The following KCTD16 variants were observed in gnomAD, a reference collection of about 807,000 sequenced individuals.
KCTD16 encodes potassium channel tetramerization domain containing 16.
A neutral mutation model predicts 33.2 loss-of-function variants in KCTD16; 13 were observed. The ratio of observed to expected loss-of-function variants is 0.39; its 90% confidence interval spans 0.25 to 0.62. The LOEUF is 0.62. Among genes scored for constraint, KCTD16 ranks in the 20% least tolerant of loss-of-function variants. KCTD16 has a pLI of 0.50. For synonymous variants in KCTD16, 197 were observed against 195.3 expected (o/e 1.01, Z -0.07); for missense variants, 441 against 525.1 (o/e 0.84, Z 1.57).
chr5:144,443,570 G>C (rs1252633465), intron 3 of KCTD16, among the ~76,000 whole-genome samples: 2 of 151,946 alleles, frequency 1.3e-5, no homozygotes, highest in African/African-American at 2.4e-5. Context: ...GTAGGTGAAA[G>C]CTTGATATTT....
At chr5:144,199,707 ATTTTTTT>A (rs574670606) in intron 2 of KCTD16, among the ~76,000 whole-genome samples, 9 of 67,720 alleles carry the variant, frequency 1.3e-4, no homozygotes, top group South Asian at 5.2e-4. Context: ...GAACAGCTTC[ATTTTTTT>A]TTTTTTTTTT....
intron 3 of KCTD16, among the ~76,000 whole-genome samples, chr5:144,292,984 CT>C (rs927138334): frequency 6.6e-5 from 10 of 152,272 alleles, no homozygotes; most frequent in African/African-American, 2.4e-4. Context: ...ATTTCTTTGC[CT>C]TTTTGTACAG....
At chr5:144,239,631 C>T (rs368380582) in intron 3 of KCTD16, among the ~76,000 whole-genome samples, 3 of 152,122 alleles carry the variant, frequency 2.0e-5, no homozygotes, top group South Asian at 2.1e-4. Flanking sequence ...TATAAACTAC[C>T]GTGACTTTTC....
chr5:144,382,411 A>G (rs1326844453), intron 3 of KCTD16, among the ~76,000 whole-genome samples: 2 of 152,146 alleles, frequency 1.3e-5, no homozygotes, highest in Non-Finnish European at 2.9e-5. Context: ...TTAAAATATA[A>G]GAATAAAAAG....
In KCTD16 at chr5:144,464,434, T is replaced by C. The variant is rs1030337871; in HGVS notation, c.833-9226T>C. Among the ~76,000 whole-genome samples, 3 of 152,266 alleles carry C rather than the reference T, an allele frequency of 2.0e-5. No individual in the cohort carries two copies. In the East Asian group the frequency reaches 5.8e-4, roughly 29 times the overall value. On this transcript the variant is annotated intron_variant, in intron 3 of 3. Transcript: ENST00000512467. ...TGGCAATATCTGGAGACATTTTTAGTAGCCTCAACTGAGGAGGGGAGGTAC... is the reference window on the plus strand; with the variant it reads ...TGGCAATATCTGGAGACATTTTTAGCAGCCTCAACTGAGGAGGGGAGGTAC...
intron 3 of KCTD16, among the ~76,000 whole-genome samples, chr5:144,417,820 G>A (rs955408917): frequency 2.0e-5 from 3 of 152,040 alleles, no homozygotes; most frequent in Non-Finnish European, 4.4e-5. Context: ...ATATGGATAT[G>A]CAGTTATTTT....
intron 3 of KCTD16, among the ~76,000 whole-genome samples, chr5:144,348,895 A>G (rs1358126446): frequency 6.6e-6 from 1 of 152,122 alleles, no homozygotes; most frequent in Non-Finnish European, 1.5e-5. Context: ...ACTATCTCCT[A>G]TTGTAAATGC....
At chr5:144,406,058 A>G (rs969422230) in intron 3 of KCTD16, among the ~76,000 whole-genome samples, 2 of 152,096 alleles carry the variant, frequency 1.3e-5, no homozygotes, top group African/African-American at 4.8e-5. Context: ...GTTGTTAAGT[A>G]CCCTGTAAAG....
At chr5:144,190,356 A>G (rs1321639087) in intron 2 of KCTD16, among the ~76,000 whole-genome samples, 4 of 152,192 alleles carry the variant, frequency 2.6e-5, no homozygotes, top group Non-Finnish European at 4.4e-5. Flanking sequence ...TGGGCTAGCT[A>G]CTTGACTTAT....
intron 2 of KCTD16, among the ~76,000 whole-genome samples, chr5:144,194,787 G>A (rs1020622458): frequency 6.6e-6 from 1 of 152,142 alleles, no homozygotes; most frequent in Non-Finnish European, 1.5e-5. Context: ...AGGACTCTCT[G>A]ATCCCAAAGC....
intron 3 of KCTD16, among the ~76,000 whole-genome samples, chr5:144,249,169 A>C (rs1039128509): frequency 6.6e-6 from 1 of 152,024 alleles, no homozygotes; most frequent in Non-Finnish European, 1.5e-5. Context: ...TAAGGACCTT[A>C]TTTCTGTTTC....
chr5:144,418,984 C>T (rs1753148572), intron 3 of KCTD16, among the ~76,000 whole-genome samples: 1 of 152,152 alleles, frequency 6.6e-6, no homozygotes, highest in African/African-American at 2.4e-5. Flanking sequence ...CCAAGCCACA[C>T]TGTCTTTAGT....
At chr5:144,473,315 C>T (rs1754520275) in intron 3 of KCTD16, among the ~76,000 whole-genome samples, 1 of 152,144 alleles carries the variant, frequency 6.6e-6, no homozygotes, top group Non-Finnish European at 1.5e-5. Flanking sequence ...AATTATTACC[C>T]TTATACCACA....
chr5:144,330,588 C>T (rs1484940427), intron 3 of KCTD16, among the ~76,000 whole-genome samples: 1 of 151,590 alleles, frequency 6.6e-6, no homozygotes, highest in Non-Finnish European at 1.5e-5. Context: ...CATTTAATTC[C>T]TACTTCTTAA....
At chr5:144,182,604 T>C (rs1752648572) in intron 2 of KCTD16, among the ~76,000 whole-genome samples, 1 of 152,178 alleles carries the variant, frequency 6.6e-6, no homozygotes. Context: ...TATTGCATAA[T>C]GGACATTTTC....
chr5:144,248,414 G>A (rs751071332), intron 3 of KCTD16, among the ~76,000 whole-genome samples: 1 of 152,208 alleles, frequency 6.6e-6, no homozygotes, highest in Non-Finnish European at 1.5e-5. Context: ...AAACTGGCAG[G>A]AACTGTGGAC....
chr5:144,376,581 G>T (rs927697001), intron 3 of KCTD16, among the ~76,000 whole-genome samples: 2 of 152,158 alleles, frequency 1.3e-5, no homozygotes, highest in Non-Finnish European at 2.9e-5. Context: ...AGGACGGGGT[G>T]AGAAAAATTA....
At chr5:144,336,910 A>G (rs1752506938) in intron 3 of KCTD16, among the ~76,000 whole-genome samples, 1 of 152,186 alleles carries the variant, frequency 6.6e-6, no homozygotes, top group African/African-American at 2.4e-5. Flanking sequence ...TCAAAATTAT[A>G]TAAAATCTAA....
At chr5:144,466,239 G>A (rs1388409145) in intron 3 of KCTD16, among the ~76,000 whole-genome samples, 1 of 135,086 alleles carries the variant, frequency 7.4e-6, no homozygotes, top group Non-Finnish European at 1.6e-5. Flanking sequence ...ACTAGCTAGG[G>A]TTTTTTTTTT....
Sources: allele counts gnomAD v4.1 joint callset (sites outside exome capture counted in the v4.1 genomes callset), GRCh38; gene constraint gnomAD v4.1.1; transcripts MANE v1.5; gene names NCBI Gene and HGNC (gene_info 2026-07-23, HGNC 2026-07-21).